PRDX5: variants seen among roughly 807,000 people sequenced by gnomAD.
The protein encoded by PRDX5 is peroxiredoxin-5, mitochondrial.
PRDX5 carries 21 observed loss-of-function variants against 23.8 expected under a neutral mutation model. The ratio of observed to expected loss-of-function variants is 0.88; its 90% CI spans 0.63 to 1.27. The LOEUF (loss-of-function observed/expected upper bound fraction) is 1.27. Among genes scored for constraint, PRDX5 ranks in the 50% most tolerant of loss-of-function variants. The pLI is 0.00. For synonymous variants in PRDX5, 111 were observed against 113.3 expected (o/e 0.98, Z 0.13); for missense variants, 261 against 270.6 (o/e 0.96, Z 0.25).
At chr11:64,319,926 T>G in intron 2 of PRDX5, 58 bp downstream of exon 2, 1 of 1,594,468 alleles carries the variant, frequency 6.3e-7, no homozygotes, top group Non-Finnish European at 8.6e-7. Context: ...TGCTCTTAAG[T>G]CCTCCACATA....
rs777115067 is a variant in PRDX5, at chr11:64,320,857, C to A, written c.439-8C>A. 1.2e-5 allele frequency: 19 copies of A among 1,614,226 alleles called. No homozygotes were observed. The Middle Eastern group carries it at 6.6e-4, about 56-fold the overall frequency. Reference sequence around the variant, plus strand: ...ATATTCTTCTTGTGACCTTTACTTTCTCTGCAGGTTCGGCTCCTGGCTGAT... The same window carrying A: ...ATATTCTTCTTGTGACCTTTACTTTATCTGCAGGTTCGGCTCCTGGCTGAT... On this transcript the variant is annotated splice_polypyrimidine_tract_variant and splice_region_variant and intron_variant, in intron 3 of 5. Transcript: ENST00000265462.
intron 1 of PRDX5, among the ~76,000 whole-genome samples, chr11:64,319,436 G>A (rs2035428090): frequency 6.6e-6 from 1 of 152,130 alleles, no homozygotes. Context: ...CTCCTTTCCT[G>A]TAACCTAGAC....
At position 64,319,972 on chromosome 11, in the gene PRDX5, A is replaced by G. The variant is rs1591256829; in HGVS notation, c.306+104A>G. The G allele has an allele frequency of 2.7e-6, 4 of 1,469,030 alleles. No individual in the cohort carries two copies. In the East Asian group the frequency reaches 6.9e-5, roughly 25 times the overall value. 91.0% of individuals were successfully genotyped at this position (1,469,030 alleles called of 1,614,324 possible). On this transcript the variant is annotated intron_variant, in intron 2 of 5. Transcript: ENST00000265462. Reference sequence around the variant, plus strand: ...GACTCCTAAAAAGCATTTCAGTGCCATCACAAAACAAGTAGAGCTGGGTAG... The same window carrying G: ...GACTCCTAAAAAGCATTTCAGTGCCGTCACAAAACAAGTAGAGCTGGGTAG...
Position 64,321,046 on chromosome 11 carries a change from T to C in PRDX5, c.517T>C (p.Phe173Leu). ...LLLDDSLVSI[F>L]GNRRLKRFSM... ...ACTAGATGATTCGCTGGTGTCCATC[T>C]TTGGGAATCGACGTCTCAAGAGGTA... The change falls in exon 5 of 6, where the codon TTT becomes CTT. Residue 173 changes from phenylalanine (F) to leucine (L), a missense_variant. Physicochemically the swap from Phe to Leu is conservative, Grantham distance 22. Transcript: ENST00000265462. 6.2e-7 allele frequency: 1 copy of C among 1,614,034 alleles called. No homozygotes were observed. The highest frequency in any genetic ancestry group is 8.5e-7 in the Non-Finnish European group (1 of 1,180,000).
chr11:64,320,665 A>C lies in PRDX5; in HGVS notation c.311A>C (p.His104Pro), dbSNP rs776391068. 1.3e-6 allele frequency: 2 copies of C among 1,594,262 alleles called. No individual in the cohort carries two copies. The highest frequency in any genetic ancestry group is 4.5e-5 in the East Asian group (2 of 44,596). ...GAFTPGCSKTHLPGFVEQAEA... is the reference protein window; with the variant it reads ...GAFTPGCSKTPLPGFVEQAEA... ...CCCTTTGTTCCCCTTCCTCAGACAC[A>C]CCTGCCAGGGTTTGTGGAGCAGGCT... is the stretch of plus-strand genomic sequence containing the variant. The change falls in exon 3 of 6, where the codon CAC becomes CCC. Residue 104 changes from histidine (H) to proline (P), a missense_variant. Coordinates refer to ENST00000265462, the MANE Select transcript of PRDX5 (RefSeq NM_012094.5).
At chr11:64,319,673 T>C (rs934402112) in intron 1 of PRDX5, 61 bp from the exon 2 acceptor site, 206 of 1,558,194 alleles carry the variant, frequency 1.3e-4, no homozygotes, top group Non-Finnish European at 1.6e-4. Flanking sequence ...TCTGTTCACC[T>C]TCCTGCCTCT....
At chr11:64,321,225 GGAGAGTCCTCTGTGGA>G (rs1268242593) in intron 5 of PRDX5, among the ~76,000 whole-genome samples, 157 bp downstream of exon 5, 7 of 150,932 alleles carry the variant, frequency 4.6e-5, no homozygotes, top group Admixed American at 6.6e-5. Flanking sequence ...TCCTGTGTGG[GGAGAGTCCTCTGTGGA>G]GAGAGTCCTC....
In PRDX5 at chr11:64,319,757, G is replaced by A. The variant is rs1048875071; in HGVS notation, c.195G>A (p.Val65=). ...AGGTGGGAGATGCCATCCCAGCAGT[G>A]GAGGTGTTTGAAGGGGAGCCAGGGA... ...PIKVGDAIPA[V]EVFEGEPGNK... The change falls in exon 2 of 6, where the codon GTG becomes GTA. Residue 65 remains valine (V), a synonymous_variant. Coordinates refer to ENST00000265462, the MANE Select transcript of PRDX5 (RefSeq NM_012094.5). 1 of 1,614,086 alleles carries A rather than the reference G, an allele frequency of 6.2e-7. No homozygotes were observed. The highest frequency in any genetic ancestry group is 8.5e-7 in the Non-Finnish European group (1 of 1,179,954).
At chr11:64,319,235 C>A (rs1053462923) in intron 1 of PRDX5, among the ~76,000 whole-genome samples, 3 of 152,012 alleles carry the variant, frequency 2.0e-5, no homozygotes, top group Non-Finnish European at 4.4e-5. Context: ...AAGATTCCTT[C>A]TTTTGTTCTA....
chr11:64,318,764 C>T (rs540360909), intron 1 of PRDX5, among the ~76,000 whole-genome samples: 36 of 151,960 alleles, frequency 2.4e-4, no homozygotes, highest in Middle Eastern at 3.4e-3. Context: ...CCACGCCCAG[C>T]TATTGTATTT....
intron 2 of PRDX5, among the ~76,000 whole-genome samples, chr11:64,320,357 C>A (rs1013962618): frequency 6.6e-6 from 1 of 151,680 alleles, no homozygotes; most frequent in South Asian, 2.1e-4. Context: ...GAAAAACATA[C>A]TACAATTAAA....
At chr11:64,318,837 A>ACCCCCCCCCCCCCCCCCCCCCCCC (rs374862180) in intron 1 of PRDX5, among the ~76,000 whole-genome samples, 2 of 77,412 alleles carry the variant, frequency 2.6e-5, no homozygotes, top group Admixed American at 1.3e-4. Context: ...CCTCAGGTGA[A>ACCCCCCCCCCCCCCCCCCCCCCCC]CCCCCCCCGC....
chr11:64,321,100 C>A, intron 5 of PRDX5, 32 bp downstream of exon 5: 1 of 1,362,154 alleles, frequency 7.3e-7, no homozygotes, highest in Non-Finnish European at 1.0e-6. Flanking sequence ...TGGAGAGAGT[C>A]CTCTGTGGGA....
At chr11:64,318,786 G>C (rs1031435080) in intron 1 of PRDX5, among the ~76,000 whole-genome samples, 3 of 151,598 alleles carry the variant, frequency 2.0e-5, no homozygotes, top group Non-Finnish European at 2.9e-5. Context: ...TAGTAGAGAC[G>C]GGATTTCACC....
chr11:64,321,451 C>A, intron 5 of PRDX5, 135 bp from the exon 6 acceptor site: 1 of 1,418,368 alleles, frequency 7.1e-7, no homozygotes, highest in Non-Finnish European at 9.5e-7. Context: ...GTGGTGAGTC[C>A]TCTGTGGGGG....
intron 2 of PRDX5, 89 bp from the exon 3 acceptor site, chr11:64,320,572 C>T (rs2035467165): frequency 6.7e-7 from 1 of 1,502,548 alleles, no homozygotes; most frequent in Non-Finnish European, 8.9e-7. Context: ...GGTGTTGAGG[C>T]AGAGCACTGA....
At chr11:64,319,997 G>A in intron 2 of PRDX5, 129 bp downstream of exon 2, 1 of 1,363,270 alleles carries the variant, frequency 7.3e-7, no homozygotes, top group Non-Finnish European at 9.8e-7. Context: ...GAGCTGGGTA[G>A]AGCTGGGCGC....
rs747064823 is a variant in PRDX5 at position 64,321,037 on chromosome 11, G to A, written c.508G>A (p.Val170Met). Residue 170 changes from valine (V) to methionine (M), a missense_variant, in exon 5 of 6, where the codon GTG becomes ATG. Coordinates refer to ENST00000265462, the MANE Select transcript of PRDX5 (RefSeq NM_012094.5). ...AGACTTATTACTAGATGATTCGCTGGTGTCCATCTTTGGGAATCGACGTCT... is the reference window on the plus strand; with the variant it reads ...AGACTTATTACTAGATGATTCGCTGATGTCCATCTTTGGGAATCGACGTCT... ...ETDLLLDDSL[V>M]SIFGNRRLKR... The A allele has an allele frequency of 2.9e-5, 46 of 1,613,988 alleles. No individual in the cohort carries two copies. The highest frequency in any genetic ancestry group is 3.6e-5 in the Non-Finnish European group (42 of 1,180,024).
At chr11:64,320,412 G>T (rs1281961315) in intron 2 of PRDX5, among the ~76,000 whole-genome samples, 1 of 152,222 alleles carries the variant, frequency 6.6e-6, no homozygotes, top group Non-Finnish European at 1.5e-5. Context: ...CACTGTGGAA[G>T]GTGCTTGGGA....
Sources: allele counts gnomAD v4.1 joint callset (sites outside exome capture counted in the v4.1 genomes callset), GRCh38; gene constraint gnomAD v4.1.1; transcripts MANE v1.5; gene names NCBI Gene and HGNC (gene_info 2026-07-23, HGNC 2026-07-21).